Variants in ELMO2 observed in about 807,000 individuals in gnomAD.
The protein encoded by ELMO2 is engulfment and cell motility 2, also known as engulfment and cell motility protein 2.
ELMO2 carries 37 observed loss-of-function variants against 96.2 expected under a neutral mutation model. The observed-to-expected ratio is 0.38, with a 90% CI of 0.30 to 0.51. The LOEUF is 0.51. Ranked by LOEUF, ELMO2 falls within the 20% of genes least tolerant of loss-of-function variation. The pLI, the probability that ELMO2 is intolerant of heterozygous loss-of-function variation, is 0.88. For missense variants in ELMO2, 561 were observed against 912.6 expected, an observed-to-expected ratio of 0.61 and a Z score of 4.96; for synonymous variants, 315 against 329.4, an observed-to-expected ratio of 0.96 and a Z score of 0.47.
chr20:46,394,772 C>T (rs1453574600), intron 2 of ELMO2, among the ~76,000 whole-genome samples: 2 of 152,190 alleles, frequency 1.3e-5, no homozygotes, highest in Non-Finnish European at 2.9e-5. Context: ...GCAAGATATG[C>T]CAATGTGGCA....
chr20:46,391,018 AT>A (rs745542935), intron 6 of ELMO2: 1 of 152,452 alleles, frequency 6.6e-6, no homozygotes, highest in South Asian at 2.1e-4. Context: ...CTGAGACAGC[AT>A]TTCTGGGCTG....
At chr20:46,391,898 C>T (rs1568779393) in intron 6 of ELMO2, among the ~76,000 whole-genome samples, 1 of 152,094 alleles carries the variant, frequency 6.6e-6, no homozygotes, top group African/African-American at 2.4e-5. Flanking sequence ...TTAAAAAGCA[C>T]ATCTTTTTGA....
chr20:46,379,903 A>G, intron 11 of ELMO2: 1 of 194,450 alleles, frequency 5.1e-6, no homozygotes, highest in Non-Finnish European at 1.1e-5. Context: ...GCCCTACACA[A>G]TTCAGATTTT....
At chr20:46,394,971 G>T (rs1225623676) in intron 2 of ELMO2, among the ~76,000 whole-genome samples, 1 of 152,184 alleles carries the variant, frequency 6.6e-6, no homozygotes, top group Non-Finnish European at 1.5e-5. Context: ...GAAGATCCCA[G>T]CATCAGCAGG....
At chr20:46,369,718 G>A (rs2059657496) in intron 20 of ELMO2, 1 of 158,220 alleles carries the variant, frequency 6.3e-6, no homozygotes, top group Admixed American at 6.4e-5. Flanking sequence ...ACCTGAACTG[G>A]ATCAAACCTC....
At position 46,367,645 on chromosome 20, in the gene ELMO2, AC is replaced by A. The variant is rs1304655251; in HGVS notation, c.1963-86del. On this transcript the variant is annotated intron_variant, in intron 21 of 21. Coordinates refer to ENST00000290246, the MANE Select transcript of ELMO2 (RefSeq NM_133171.5). The stretch of plus-strand genomic sequence containing the variant: ...CAAGGTCTCTTTTCTGATGGGGCTC[AC>A]AACAGTTCCTTTTGGAACTAATCAG... 4 of 1,126,540 alleles carry A rather than the reference AC, an allele frequency of 3.6e-6. No homozygotes were observed. In the African/African-American group the frequency reaches 6.3e-5, roughly 18 times the overall value. 69.8% of individuals were successfully genotyped at this position (1,126,540 alleles called of 1,614,324 possible).
intron 1 of ELMO2, among the ~76,000 whole-genome samples, chr20:46,404,440 A>G (rs2060390187): frequency 6.6e-6 from 1 of 152,214 alleles, no homozygotes; most frequent in African/African-American, 2.4e-5. Context: ...TCAGATATAT[A>G]GAAAGACCAG....
At chr20:46,406,201 G>A (rs1310313066) in intron 1 of ELMO2, among the ~76,000 whole-genome samples, 1 of 151,404 alleles carries the variant, frequency 6.6e-6, no homozygotes, top group Non-Finnish European at 1.5e-5. Flanking sequence ...TCTCCTTGCC[G>A]CCCCTCCCCG....
chr20:46,375,338 C>T lies in ELMO2; in HGVS notation c.963G>A (p.Arg321=), dbSNP rs41310805. 0.013 allele frequency: 21,354 copies of T among 1,614,214 alleles called. 188 individuals carry two copies. Among genetic ancestry groups the T allele is most frequent in the Non-Finnish European group, 0.015 (17,889 of 1,180,018 alleles). ...AQRDIIFELR[R]IAFDAESDPS... ...GATCAGACTCTGCGTCAAATGCAAT[C>T]CTCCTCAGTTCAAATATGATGTCCC... Residue 321 remains arginine, a synonymous_variant, in exon 13 of 22, where the codon AGG becomes AGA. Coordinates refer to ENST00000290246, the MANE Select transcript of ELMO2 (RefSeq NM_133171.5). The surrounding 1 kb of genome is among the most constrained non-coding windows in gnomAD (Gnocchi z 4.6).
At chr20:46,391,374 T>C (rs1326784223) in intron 6 of ELMO2, among the ~76,000 whole-genome samples, 1 of 152,132 alleles carries the variant, frequency 6.6e-6, no homozygotes, top group Non-Finnish European at 1.5e-5. Context: ...AGAGTACCTA[T>C]CTCATGGGAT....
Position 46,394,404 on chromosome 20 carries a change from C to A in ELMO2, c.78+1G>T. On this transcript the variant is annotated splice_donor_variant, in intron 3 of 21. Coordinates refer to ENST00000290246, the MANE Select transcript of ELMO2 (RefSeq NM_133171.5). LOFTEE classifies it high-confidence loss of function. ...CACTGCTTCTCACTTCAGGAGCATA[C>A]CTGGTCGATTTCAAGGAGCTGGGCG... 6.2e-7 allele frequency: 1 copy of A among 1,614,128 alleles called. No individual in the cohort carries two copies. Among genetic ancestry groups the A allele is most frequent in the Non-Finnish European group, 8.5e-7 (1 of 1,180,012 alleles).
chr20:46,389,584 C>T (rs961799516), intron 6 of ELMO2, among the ~76,000 whole-genome samples: 78 of 152,234 alleles, frequency 5.1e-4, no homozygotes, highest in African/African-American at 1.8e-3. Context: ...GGGTGCGTGG[C>T]TCATGCATGT....
intron 5 of ELMO2, 128 bp from the exon 6 acceptor site, chr20:46,393,271 C>A: frequency 2.0e-6 from 2 of 999,188 alleles, no homozygotes; most frequent in Non-Finnish European, 1.5e-6. Context: ...CAGTCGGGCC[C>A]TCTTCTCCTG....
chr20:46,401,389 T>C (rs1456877855), intron 1 of ELMO2, among the ~76,000 whole-genome samples: 1 of 152,180 alleles, frequency 6.6e-6, no homozygotes, highest in Non-Finnish European at 1.5e-5. Context: ...TGAAGTATGT[T>C]AGACACAGGA....
In ELMO2 at chr20:46,370,838, A is replaced by ATGG. The variant is rs1370669466; in HGVS notation, c.1802-316_1802-314dup. Among the ~76,000 whole-genome samples the ATGG allele has an allele frequency of 2.0e-5, 3 of 152,152 alleles. No homozygotes were observed. The East Asian group carries it at 5.8e-4, about 29-fold the overall frequency. On this transcript the variant is annotated intron_variant, in intron 19 of 21. Transcript: ENST00000290246. ...CTCCCTTCCCCTCTCCTTCACAATA[A>ATGG]TGGCGATGATGATGCCATCATCGCC...
intron 8 of ELMO2, 117 bp downstream of exon 8, chr20:46,387,221 G>T (rs1246590200): frequency 2.6e-6 from 2 of 780,848 alleles, no homozygotes; most frequent in Non-Finnish European, 4.1e-6. Flanking sequence ...GAAAAATCTG[G>T]CCCCAGGGAA....
chr20:46,367,316 C>A lies in ELMO2; in HGVS notation c.*44G>T. ...CCAGAATGTAAGTGTTTCTCCTGGG[C>A]CCAAAATCCCTTCTCCTGGGTACCG... On this transcript the variant is annotated 3_prime_UTR_variant, in exon 22 of 22. Coordinates refer to ENST00000290246, the MANE Select transcript of ELMO2 (RefSeq NM_133171.5). 2 of 1,417,718 alleles carry A rather than the reference C, an allele frequency of 1.4e-6. No individual in the cohort carries two copies. The highest frequency in any genetic ancestry group is 9.3e-7 in the Non-Finnish European group (1 of 1,077,574). The allele number at this position is 1,417,718 out of a possible 1,614,324, so 87.8% of individuals were successfully genotyped here. A position where few individuals can be genotyped will look rare whatever the true frequency, so the allele number is the denominator to read the frequency against.
intron 5 of ELMO2, 44 bp from the exon 6 acceptor site, chr20:46,393,187 G>C: frequency 6.4e-7 from 1 of 1,573,556 alleles, no homozygotes; most frequent in Admixed American, 1.7e-5. Context: ...AAGATAAAAT[G>C]TTAAAGTGGT....
chr20:46,366,632 G>A lies in ELMO2; in HGVS notation c.*728C>T, dbSNP rs992642779. 6.6e-6 allele frequency: 1 copy of A among 152,356 alleles called. No homozygotes were observed. Among genetic ancestry groups the A allele is most frequent in the Non-Finnish European group, 1.5e-5 (1 of 68,096 alleles). 9.4% of individuals were successfully genotyped at this position (152,356 alleles called of 1,614,324 possible). A position where few individuals can be genotyped will look rare whatever the true frequency, so the allele number is the denominator to read the frequency against. The stretch of plus-strand genomic sequence containing the variant: ...TGACCTCACCACAGTCTAGGCCCAG[G>A]CCTCAGCTGGGTTTTCCCTGCAGCG... On this transcript the variant is annotated 3_prime_UTR_variant, in exon 22 of 22. Transcript: ENST00000290246.
Sources: gnomAD v4.1 joint callset for allele counts (sites outside exome capture counted in the v4.1 genomes callset) on GRCh38, gnomAD v4.1.1 for gene constraint, Gnocchi (gnomAD v3.1) non-coding constraint, MANE v1.5 for transcripts, NCBI Gene and HGNC (gene_info 2026-07-23, HGNC 2026-07-21) for gene names.